Variants in SEC23B observed in about 807,000 individuals in gnomAD.
SEC23B encodes SEC23 homolog B, COPII component, also known as protein transport protein Sec23B.
In SEC23B, 77 loss-of-function variants were observed where a neutral mutation model predicts 104.3. That is an observed-to-expected ratio of 0.74 (90% CI 0.61 to 0.89). SEC23B has a LOEUF of 0.89. SEC23B is among the 40% of genes least tolerant of loss of function. The probability of loss-of-function intolerance (pLI) is 0.00; values close to 1 mark genes in which losing one functional copy is unlikely to be tolerated. For synonymous variants in SEC23B, 338 were observed against 332.5 expected (o/e 1.02, Z -0.18); for missense variants, 885 against 949.4 (o/e 0.93, Z 0.89).
intron 17 of SEC23B, among the ~76,000 whole-genome samples, chr20:18,553,648 A>G (rs909621263): frequency 1.3e-5 from 2 of 152,168 alleles, no homozygotes; most frequent in African/African-American, 2.4e-5. Flanking sequence ...AGTTTAGCAT[A>G]TGGCTTCTCC....
At chr20:18,542,437 T>G in intron 13 of SEC23B, 35 bp downstream of exon 13, 4 of 1,540,336 alleles carry the variant, frequency 2.6e-6, no homozygotes, top group Non-Finnish European at 3.6e-6. Context: ...GTTGAGGAAC[T>G]GACTGACATT....
intron 17 of SEC23B, among the ~76,000 whole-genome samples, chr20:18,551,943 C>T (rs78772646): frequency 0.14 from 21,372 of 152,030 alleles, 2,008 homozygotes; most frequent in Non-Finnish European, 0.2. Flanking sequence ...GCCCAGGGAA[C>T]TTTACGCTGT....
chr20:18,539,535 G>A (rs1391812869), intron 12 of SEC23B, among the ~76,000 whole-genome samples: 1 of 151,130 alleles, frequency 6.6e-6, no homozygotes, highest in Non-Finnish European at 1.5e-5. Flanking sequence ...AAAAGAGATG[G>A]GGTCTCTCTT....
At chr20:18,525,973 G>GCA (rs1600242876) in intron 7 of SEC23B, 41 bp downstream of exon 7, 1 of 1,597,890 alleles carries the variant, frequency 6.3e-7, no homozygotes. Flanking sequence ...TCATACAAAT[G>GCA]TGCTCTCAGA....
chr20:18,519,981 G>C (rs1258078909), intron 4 of SEC23B, among the ~76,000 whole-genome samples: 2 of 152,166 alleles, frequency 1.3e-5, no homozygotes, highest in African/African-American at 2.4e-5. Context: ...CGGCAGTAGA[G>C]CCCAGGTAAT....
Position 18,515,662 on chromosome 20 carries a change from T to C in SEC23B, c.292T>C (p.Tyr98His). The C allele has an allele frequency of 6.2e-7, 1 of 1,605,858 alleles. No individual in the cohort carries two copies. Among genetic ancestry groups the C allele is most frequent in the East Asian group, 2.2e-5 (1 of 44,854 alleles). Residue 98 changes from tyrosine to histidine, a missense_variant, in exon 4 of 20, where the codon TAT becomes CAT. Physicochemically the swap from Tyr to His is moderately conservative, Grantham distance 83. Transcript: ENST00000650089. ...TCCTTCTTTTCAGTTTCCTCCAGCT[T>C]ATGGAGGCATATCTGAGGTGAATCA... is the stretch of plus-strand genomic sequence containing the variant. ...CFQRNQFPPA[Y>H]GGISEVNQPA...
intron 19 of SEC23B, among the ~76,000 whole-genome samples, chr20:18,559,247 A>G (rs977186128): frequency 6.6e-6 from 1 of 152,082 alleles, no homozygotes; most frequent in African/African-American, 2.4e-5. Context: ...ACCGCTGTGG[A>G]GATGGCCTTG....
At chr20:18,556,650 AT>A (rs1206717181) in intron 19 of SEC23B, among the ~76,000 whole-genome samples, 2 of 152,042 alleles carry the variant, frequency 1.3e-5, no homozygotes, top group Non-Finnish European at 2.9e-5. Flanking sequence ...TTTCAATTTC[AT>A]TGATTGCTGC....
intron 9 of SEC23B, 105 bp from the exon 10 acceptor site, chr20:18,530,575 A>C (rs915622930): frequency 2.7e-5 from 35 of 1,294,930 alleles, no homozygotes; most frequent in Admixed American, 4.9e-5. Flanking sequence ...TCTTTTGGGG[A>C]CCTGGTTTCT....
chr20:18,518,003 T>C (rs2148891274), intron 4 of SEC23B, among the ~76,000 whole-genome samples: 1 of 152,260 alleles, frequency 6.6e-6, no homozygotes, highest in East Asian at 1.9e-4. Context: ...TTTTGTTAAG[T>C]TGGAGGCTGA....
chr20:18,508,622 C>T (rs187520801), intron 1 of SEC23B, among the ~76,000 whole-genome samples: 1 of 151,948 alleles, frequency 6.6e-6, no homozygotes, highest in African/African-American at 2.4e-5. Context: ...AGAATCCAGA[C>T]CCTAGAAGGG....
intron 19 of SEC23B, among the ~76,000 whole-genome samples, chr20:18,560,260 C>T (rs1600288333): frequency 6.6e-6 from 1 of 152,046 alleles, no homozygotes; most frequent in Non-Finnish European, 1.5e-5. Flanking sequence ...CCAGTTCACT[C>T]GTTTGTGGGT....
At chr20:18,522,744 G>C (rs958500398) in intron 4 of SEC23B, among the ~76,000 whole-genome samples, 1 of 152,126 alleles carries the variant, frequency 6.6e-6, no homozygotes, top group Non-Finnish European at 1.5e-5. Flanking sequence ...CAAAAAAGGA[G>C]GCAGCCCAGA....
chr20:18,560,846 T>TTGTAA lies in SEC23B; in HGVS notation c.*106_*107insTGTAA. 1 of 839,266 alleles carries TTGTAA rather than the reference T, an allele frequency of 1.2e-6. No individual in the cohort carries two copies. Among genetic ancestry groups the TTGTAA allele is most frequent in the Admixed American group, 1.8e-5 (1 of 54,388 alleles). 52.0% of individuals were successfully genotyped at this position (839,266 alleles called of 1,614,324 possible). A position where few individuals can be genotyped will look rare whatever the true frequency, so the allele number is the denominator to read the frequency against. On this transcript the variant is annotated 3_prime_UTR_variant, in exon 20 of 20. Transcript: ENST00000650089. ...TTTTCTAGCAGATTTTAACAAATAA[T>TTGTAA]CAAGGACATTTTATATGTAACTCTT...
chr20:18,525,794 G>A lies in SEC23B; in HGVS notation c.696G>A (p.Leu232=). 1 of 1,614,162 alleles carries A rather than the reference G, an allele frequency of 6.2e-7. No individual in the cohort carries two copies. Among genetic ancestry groups the A allele is most frequent in the African/African-American group, 1.3e-5 (1 of 75,036 alleles). Residue 232 remains leucine (L), a synonymous_variant, in exon 7 of 20, where the codon CTG becomes CTA. Transcript: ENST00000650089. ...QEHPFASSRF[L]QPVHKIDMNL... ...GTCTGTTAAAATCTTGCAGATTTCTGCAGCCTGTTCACAAGATTGATATGA... is the reference window on the plus strand; with the variant it reads ...GTCTGTTAAAATCTTGCAGATTTCTACAGCCTGTTCACAAGATTGATATGA...
At chr20:18,524,911 C>A in intron 5 of SEC23B, 24 bp from the exon 6 acceptor site, 1 of 1,594,226 alleles carries the variant, frequency 6.3e-7, no homozygotes. Context: ...GGAAATGAAT[C>A]TTTTTGGCTT....
intron 13 of SEC23B, 142 bp from the exon 14 acceptor site, chr20:18,542,877 A>G (rs1305581854): frequency 3.1e-6 from 3 of 974,444 alleles, no homozygotes; most frequent in Admixed American, 1.7e-5. Flanking sequence ...AGGCTCAAGC[A>G]GTCCTGCCAC....
chr20:18,518,751 T>G (rs1208750633), intron 4 of SEC23B, among the ~76,000 whole-genome samples: 1 of 152,138 alleles, frequency 6.6e-6, no homozygotes. Flanking sequence ...AGCTACCTTA[T>G]CAGCAGAAGC....
chr20:18,529,909 G>A (rs1776385555), intron 9 of SEC23B, among the ~76,000 whole-genome samples: 1 of 152,318 alleles, frequency 6.6e-6, no homozygotes. Flanking sequence ...ACGTTTGGAG[G>A]CATAACTTGC....
Sources: gnomAD v4.1 joint callset for allele counts (sites outside exome capture counted in the v4.1 genomes callset) on GRCh38, gnomAD v4.1.1 for gene constraint, MANE v1.5 for transcripts, NCBI Gene and HGNC (gene_info 2026-07-23, HGNC 2026-07-21) for gene names.